MSRB3: variants seen among roughly 807,000 people sequenced by gnomAD.
MSRB3 encodes methionine-R-sulfoxide reductase B3.
A neutral mutation model predicts 21.0 loss-of-function variants in MSRB3; 13 were observed. The ratio of observed to expected loss-of-function variants is 0.62; its 90% CI spans 0.40 to 0.98. The LOEUF (loss-of-function observed/expected upper bound fraction) is 0.98, where lower values mean the gene tolerates loss of function less well. Ranked by LOEUF, MSRB3 falls within the 50% of genes least tolerant of loss-of-function variation. MSRB3 has a pLI of 0.00. For synonymous variants in MSRB3, 87 were observed against 88.6 expected, an observed-to-expected ratio of 0.98 and a Z score of 0.10; for missense variants, 199 against 230.3, an observed-to-expected ratio of 0.86 and a Z score of 0.88.
At chr12:65,341,757 T>C (rs1431563684) in intron 4 of MSRB3, among the ~76,000 whole-genome samples, 5 of 151,890 alleles carry the variant, frequency 3.3e-5, no homozygotes, top group Admixed American at 2.6e-4. Context: ...GTAAAAGGAA[T>C]ATAGCAATAT....
chr12:65,327,843 T>A (rs1875151853), intron 3 of MSRB3, among the ~76,000 whole-genome samples: 1 of 152,194 alleles, frequency 6.6e-6, no homozygotes, highest in Non-Finnish European at 1.5e-5. Context: ...GACTTCAGTC[T>A]CAGCTTGCGA....
intron 5 of MSRB3, among the ~76,000 whole-genome samples, chr12:65,383,957 C>A (rs1406771471): frequency 6.6e-6 from 1 of 152,134 alleles, no homozygotes; most frequent in Non-Finnish European, 1.5e-5. Context: ...CTGCCCCCGG[C>A]TGAATTATTT....
intron 5 of MSRB3, among the ~76,000 whole-genome samples, chr12:65,441,956 T>C (rs149562932): frequency 1.3e-5 from 2 of 152,218 alleles, no homozygotes; most frequent in East Asian, 3.9e-4. Context: ...CCTAAAATAT[T>C]TGTTCTTAAT....
At chr12:65,454,178 T>C in intron 6 of MSRB3, 1 of 386,898 alleles carries the variant, frequency 2.6e-6, no homozygotes, top group Non-Finnish European at 4.3e-6. Flanking sequence ...TTCTAGCTAC[T>C]CAGGGGGGCT....
At chr12:65,448,604 GCTGT>G (rs1882722523) in intron 5 of MSRB3, among the ~76,000 whole-genome samples, 1 of 152,168 alleles carries the variant, frequency 6.6e-6, no homozygotes, top group Non-Finnish European at 1.5e-5. Flanking sequence ...GTATATCTGT[GCTGT>G]CTAATATGGT....
At chr12:65,293,225 AT>A (rs1872759334) in intron 1 of MSRB3, among the ~76,000 whole-genome samples, 1 of 152,040 alleles carries the variant, frequency 6.6e-6, no homozygotes, top group Non-Finnish European at 1.5e-5. Flanking sequence ...CTTTGCCTAG[AT>A]TTCTGCAATG....
At chr12:65,426,661 C>A (rs1881613665) in intron 5 of MSRB3, among the ~76,000 whole-genome samples, 1 of 152,080 alleles carries the variant, frequency 6.6e-6, no homozygotes, top group Admixed American at 6.5e-5. Flanking sequence ...CTTTATTCTC[C>A]CCCAAATCCT....
chr12:65,459,136 A>G (rs1883213032), intron 6 of MSRB3, among the ~76,000 whole-genome samples: 1 of 152,148 alleles, frequency 6.6e-6, no homozygotes. Context: ...AAACCATCAG[A>G]TCTCTGAATT....
intron 2 of MSRB3, among the ~76,000 whole-genome samples, chr12:65,310,541 A>T (rs901030584): frequency 6.6e-6 from 1 of 152,184 alleles, no homozygotes; most frequent in Non-Finnish European, 1.5e-5. Flanking sequence ...AAAAGCTCCA[A>T]TGTGTAAAAG....
At position 65,406,398 on chromosome 12, in the gene MSRB3, G is replaced by T. The variant is rs537054542; in HGVS notation, c.292+37372G>T. ...ATAAATTTAACTAAAGAAGTGAAAG[G>T]TCTGTGCACTGAAAACTATAAAACG... is the stretch of plus-strand genomic sequence containing the variant. On this transcript the variant is annotated intron_variant, in intron 5 of 6. Transcript: ENST00000308259. Among the ~76,000 whole-genome samples, 9 of 152,130 alleles carry T rather than the reference G, an allele frequency of 5.9e-5. No individual in the cohort carries two copies. The South Asian group carries it at 8.3e-4, about 14-fold the overall frequency.
chr12:65,408,538 G>C (rs1474752421), intron 5 of MSRB3, among the ~76,000 whole-genome samples: 1 of 152,178 alleles, frequency 6.6e-6, no homozygotes, highest in African/African-American at 2.4e-5. Context: ...AATATGGTTT[G>C]AGATGTGTAG....
chr12:65,279,257 C>T (rs1041920654), intron 1 of MSRB3: 9 of 212,318 alleles, frequency 4.2e-5, no homozygotes, highest in African/African-American at 7.0e-5. Flanking sequence ...GCCCTCTGCT[C>T]TGTGCGTCGA....
chr12:65,452,302 CTT>C (rs1882891161), intron 5 of MSRB3, among the ~76,000 whole-genome samples: 8 of 152,024 alleles, frequency 5.3e-5, no homozygotes, highest in Admixed American at 5.2e-4. Context: ...AGATAAATGA[CTT>C]TATTTTTCAA....
chr12:65,288,965 T>C (rs1001016042), intron 1 of MSRB3, among the ~76,000 whole-genome samples: 13 of 152,222 alleles, frequency 8.5e-5, no homozygotes, highest in African/African-American at 3.1e-4. Flanking sequence ...ATAGTGTCTA[T>C]ATAAGGTATA....
chr12:65,307,605 A>G (rs1436604376), intron 1 of MSRB3, among the ~76,000 whole-genome samples: 1 of 152,164 alleles, frequency 6.6e-6, no homozygotes. Flanking sequence ...TTCCATTTGC[A>G]TTTAAAGTTA....
chr12:65,380,568 T>C (rs1439698254), intron 5 of MSRB3, among the ~76,000 whole-genome samples: 1 of 152,080 alleles, frequency 6.6e-6, no homozygotes, highest in African/African-American at 2.4e-5. Context: ...GAGTGAGACC[T>C]TGTCTCAAAA....
chr12:65,461,391 T>C (rs1238252271), intron 6 of MSRB3, among the ~76,000 whole-genome samples: 1 of 152,194 alleles, frequency 6.6e-6, no homozygotes, highest in Non-Finnish European at 1.5e-5. Flanking sequence ...CTGCATCGAA[T>C]GTGGTAAAAT....
At chr12:65,364,261 A>G (rs1877876721) in intron 4 of MSRB3, among the ~76,000 whole-genome samples, 1 of 152,172 alleles carries the variant, frequency 6.6e-6, no homozygotes, top group Non-Finnish European at 1.5e-5. Context: ...TATGGGTACA[A>G]CTAGCAACAA....
intron 4 of MSRB3, among the ~76,000 whole-genome samples, chr12:65,333,591 G>A (rs1875566149): frequency 6.6e-6 from 1 of 152,184 alleles, no homozygotes; most frequent in African/African-American, 2.4e-5. Context: ...GACCAATTAA[G>A]GAAGTCCTTG....
Sources: gnomAD v4.1 joint callset for allele counts (sites outside exome capture counted in the v4.1 genomes callset) on GRCh38, gnomAD v4.1.1 for gene constraint, MANE v1.5 for transcripts, NCBI Gene and HGNC (gene_info 2026-07-23, HGNC 2026-07-21) for gene names.